TAFA2: variants seen among roughly 807,000 people sequenced by gnomAD.
The protein encoded by TAFA2 is TAFA chemokine like family member 2, also known as chemokine-like protein TAFA-2.
In TAFA2, 7 loss-of-function variants were observed where a neutral mutation model predicts 18.8. That is an observed-to-expected ratio of 0.37 (90% CI 0.21 to 0.70). The LOEUF (loss-of-function observed/expected upper bound fraction) is 0.70, where lower values mean the gene tolerates loss of function less well. Ranked by LOEUF, TAFA2 falls within the 30% of genes least tolerant of loss-of-function variation. The pLI is 0.53. For synonymous variants in TAFA2, 60 were observed against 54.2 expected (o/e 1.11, Z -0.47); for missense variants, 122 against 158.1 (o/e 0.77, Z 1.23).
At chr12:61,842,971 C>T (rs752094237) in intron 2 of TAFA2, among the ~76,000 whole-genome samples, 2 of 151,948 alleles carry the variant, frequency 1.3e-5, no homozygotes, top group Non-Finnish European at 2.9e-5. Context: ...TGGGCATATT[C>T]ATGGAGACAC....
In TAFA2 at chr12:61,944,444, T is replaced by G. The variant is rs562213971; in HGVS notation, c.-1-77018A>C. ...TCAAAAGCTAGCAGAAGGCAAGAAA[T>G]AACTAAAATCAGAGCAGAACTGAAG... On this transcript the variant is annotated intron_variant, in intron 1 of 4. Coordinates refer to ENST00000416284, the MANE Select transcript of TAFA2 (RefSeq NM_178539.5). Among the ~76,000 whole-genome samples the G allele has an allele frequency of 4.9e-5, 6 of 121,240 alleles. No individual in the cohort carries two copies. The Admixed American group carries it at 5.0e-4, about 10-fold the overall frequency. The allele number at this position is 121,240 out of a possible 152,430, so 79.5% of individuals were successfully genotyped here.
At chr12:62,086,933 A>C (rs922202678) in intron 1 of TAFA2, among the ~76,000 whole-genome samples, 1 of 152,190 alleles carries the variant, frequency 6.6e-6, no homozygotes, top group African/African-American at 2.4e-5. Context: ...GTATATACAT[A>C]AGATGGAATA....
intron 1 of TAFA2, among the ~76,000 whole-genome samples, chr12:62,177,435 C>G (rs1326282544): frequency 6.6e-6 from 1 of 152,198 alleles, no homozygotes; most frequent in Non-Finnish European, 1.5e-5. Flanking sequence ...ATTTTTAAAG[C>G]TAAGTTCTTT....
At chr12:62,108,987 G>C (rs974871340) in intron 1 of TAFA2, among the ~76,000 whole-genome samples, 1 of 152,130 alleles carries the variant, frequency 6.6e-6, no homozygotes. Flanking sequence ...AGTTTAATTA[G>C]ATCCAATTTG....
intron 4 of TAFA2, among the ~76,000 whole-genome samples, chr12:61,725,570 C>T (rs1472790636): frequency 1.3e-5 from 2 of 151,874 alleles, no homozygotes; most frequent in Non-Finnish European, 1.5e-5. Flanking sequence ...CTTTTGTTTG[C>T]TTTGTCAAAG....
At chr12:61,836,176 T>G (rs1326577658) in intron 2 of TAFA2, among the ~76,000 whole-genome samples, 1 of 151,952 alleles carries the variant, frequency 6.6e-6, no homozygotes, top group Non-Finnish European at 1.5e-5. Context: ...ATATCAGTTG[T>G]ACATGTTACT....
intron 1 of TAFA2, among the ~76,000 whole-genome samples, chr12:61,947,295 T>G: frequency 8.7e-6 from 1 of 115,392 alleles, no homozygotes; most frequent in Non-Finnish European, 1.8e-5. Flanking sequence ...TATCACACTC[T>G]GGGGACTGTG....
At position 62,230,324 on chromosome 12, in the gene TAFA2, A is replaced by G. The variant is rs11174382; in HGVS notation, c.-130+28439T>C. Reference sequence around the variant, plus strand: ...TAGGTTGGTTATCTGAAATCGTTCTATGTTTTTGATGTAAGCATTTATTGC... The same window carrying G: ...TAGGTTGGTTATCTGAAATCGTTCTGTGTTTTTGATGTAAGCATTTATTGC... On this transcript the variant is annotated intron_variant, in intron 1 of 5. Coordinates refer to the TAFA2 transcript ENST00000551619. Among the ~76,000 whole-genome samples the G allele has an allele frequency of 3.9e-3, 587 of 151,818 alleles. 2 individuals carry two copies. The highest frequency in any genetic ancestry group is 5.5e-3 in the Non-Finnish European group (373 of 67,920).
Position 61,710,323 on chromosome 12 carries a change from C to A in TAFA2, c.*83G>T, listed in dbSNP as rs1224741196. The A allele has an allele frequency of 3.0e-6, 4 of 1,322,850 alleles. No homozygotes were observed. The highest frequency in any genetic ancestry group is 1.5e-5 in the African/African-American group (1 of 68,846). 81.9% of individuals were successfully genotyped at this position (1,322,850 alleles called of 1,614,324 possible). A position where few individuals can be genotyped will look rare whatever the true frequency, so the allele number is the denominator to read the frequency against. ...CTCTTTCAAGTGGTATAAAAATCTT[C>A]AAGATCACCTCAGGAGTTGAGTTAA... On this transcript the variant is annotated 3_prime_UTR_variant, in exon 5 of 5. Coordinates refer to ENST00000416284, the MANE Select transcript of TAFA2 (RefSeq NM_178539.5).
At chr12:61,859,457 A>T (rs34810430) in intron 2 of TAFA2, among the ~76,000 whole-genome samples, 43,717 of 145,998 alleles carry the variant, frequency 0.3, 6,876 homozygotes, top group South Asian at 0.4. Flanking sequence ...TTTGTTTTTG[A>T]TTTTGAGATG....
chr12:62,077,976 T>A (rs1304061791), intron 1 of TAFA2, among the ~76,000 whole-genome samples: 1 of 152,194 alleles, frequency 6.6e-6, no homozygotes, highest in Non-Finnish European at 1.5e-5. Context: ...CTACTCCCTA[T>A]CACACATTCA....
chr12:61,998,100 G>A (rs1880260910), intron 1 of TAFA2, among the ~76,000 whole-genome samples: 1 of 152,010 alleles, frequency 6.6e-6, no homozygotes, highest in African/African-American at 2.4e-5. Flanking sequence ...AAATCACAAG[G>A]AATTTGATGA....
chr12:61,862,003 G>A (rs1378727132), intron 2 of TAFA2, among the ~76,000 whole-genome samples: 1 of 152,054 alleles, frequency 6.6e-6, no homozygotes. Context: ...TCACCTGTGT[G>A]TATCTTTTTC....
At chr12:61,765,384 A>G (rs913340915) in intron 2 of TAFA2, among the ~76,000 whole-genome samples, 7 of 152,102 alleles carry the variant, frequency 4.6e-5, no homozygotes, top group Non-Finnish European at 1.0e-4. Context: ...TGTTAAGCCA[A>G]TGTAATCATA....
chr12:62,235,371 G>T (rs761375308), intron 1 of TAFA2: 2 of 653,158 alleles, frequency 3.1e-6, no homozygotes, highest in Non-Finnish European at 5.6e-6. Context: ...GTTCCAAGAG[G>T]TGTGCACTCC....
At chr12:61,818,986 C>T (rs1336952867) in intron 2 of TAFA2, among the ~76,000 whole-genome samples, 1 of 152,158 alleles carries the variant, frequency 6.6e-6, no homozygotes, top group African/African-American at 2.4e-5. Context: ...CATTGTTGCA[C>T]ATTACCTCTA....
rs1036960057 is a variant in TAFA2, at chr12:62,059,413, G to A, written c.-2+131846C>T. On this transcript the variant is annotated intron_variant, in intron 1 of 4. Transcript: ENST00000416284. ...CTGGGGCTGCTGCACTAAGCATGAAGAACAGTCTATTGAGTAGGATTGGGG... is the reference window on the plus strand; with the variant it reads ...CTGGGGCTGCTGCACTAAGCATGAAAAACAGTCTATTGAGTAGGATTGGGG... 5.6e-4 allele frequency among the ~76,000 whole-genome samples: 86 copies of A among 152,256 alleles called. 1 individual carries two copies. The highest frequency in any genetic ancestry group is 2.0e-3 in the African/African-American group (84 of 41,552).
chr12:61,757,192 G>T (rs1202135829), intron 2 of TAFA2, among the ~76,000 whole-genome samples: 1 of 152,014 alleles, frequency 6.6e-6, no homozygotes, highest in African/African-American at 2.4e-5. Context: ...TGTGATCAAG[G>T]ATGAGACTTA....
At chr12:61,969,349 A>C (rs1879168393) in intron 1 of TAFA2, among the ~76,000 whole-genome samples, 1 of 151,750 alleles carries the variant, frequency 6.6e-6, no homozygotes, top group Admixed American at 6.6e-5. Flanking sequence ...AAAGAATATG[A>C]AAAAGCAACA....
Sources: gnomAD v4.1 joint callset for allele counts (sites outside exome capture counted in the v4.1 genomes callset) on GRCh38, gnomAD v4.1.1 for gene constraint, MANE v1.5 for transcripts, NCBI Gene and HGNC (gene_info 2026-07-23, HGNC 2026-07-21) for gene names.